Variants in REXO1 observed in about 807,000 individuals in gnomAD.
REXO1 encodes the protein REX1, RNA exonuclease 1 homolog.
Under a neutral mutation model 102.6 loss-of-function variants are expected in REXO1, and 42 were observed. The observed-to-expected ratio is 0.41, with a 90% CI of 0.32 to 0.53. The LOEUF is 0.53. Ranked by LOEUF, REXO1 falls within the 20% of genes least tolerant of loss-of-function variation. REXO1 has a pLI of 0.27. For synonymous variants in REXO1, 908 were observed against 779.1 expected (o/e 1.17, Z -2.76); for missense variants, 1,819 against 1,732.5 (o/e 1.05, Z -0.89).
chr19:1,818,643 C>T, intron 9 of REXO1, 48 bp from the exon 10 acceptor site: 1 of 1,607,944 alleles, frequency 6.2e-7, no homozygotes, highest in Non-Finnish European at 8.5e-7. Context: ...CTGGGGCCCG[C>T]ATGCCCGGCC....
chr19:1,847,392 G>A (rs977245112), intron 1 of REXO1, among the ~76,000 whole-genome samples: 1 of 152,202 alleles, frequency 6.6e-6, no homozygotes, highest in Non-Finnish European at 1.5e-5. Context: ...TGGGACGAAG[G>A]AAGTCAGGGG....
At position 1,818,751 on chromosome 19, in the gene REXO1, CG is replaced by C; in HGVS notation, c.2856del (p.Gly954AlafsTer92). ...NGYPFPHPER[P>X]GGAIIFTAEE... ...TCAGCTGTGAAGATGATTGCGCCCC[CG>C]GGCCGCTCTGGGTGCGGGAAGGGGT... On this transcript the variant is annotated frameshift_variant, in exon 9 of 16. Transcript: ENST00000170168. LOFTEE classifies it high-confidence loss of function. The C allele has an allele frequency of 6.2e-7, 1 of 1,610,760 alleles. No homozygotes were observed.
intron 5 of REXO1, among the ~76,000 whole-genome samples, chr19:1,820,766 G>A (rs555980786): frequency 7.0e-4 from 106 of 152,102 alleles, no homozygotes; most frequent in Non-Finnish European, 1.1e-3. Flanking sequence ...GCTGAGGCAG[G>A]AGGATCACTT....
rs748635031 is a variant in REXO1, at chr19:1,817,261, T to C, written c.3159A>G (p.Ser1053=). The C allele has an allele frequency of 6.2e-7, 1 of 1,613,174 alleles. No individual in the cohort carries two copies. Among genetic ancestry groups the C allele is most frequent in the South Asian group, 1.1e-5 (1 of 91,082 alleles). The change falls in exon 12 of 16, where the codon TCA becomes TCG. Residue 1053 remains serine (S), a synonymous_variant. Transcript: ENST00000170168. ...CGTAGATCCCCGGGTGGGTGTCTCC[T>C]GAGAGCTCTTTCTCAAAGGTCTTCA... is the stretch of plus-strand genomic sequence containing the variant. ...GFVKTFEKEL[S]GDTHPGIYAL...
Position 1,825,885 on chromosome 19 carries a change from G to A in REXO1, c.1970C>T (p.Pro657Leu), listed in dbSNP as rs553003856. The A allele has an allele frequency of 4.3e-6, 7 of 1,613,578 alleles. No individual in the cohort carries two copies. The highest frequency in any genetic ancestry group is 1.1e-5 in the South Asian group (1 of 91,062). ...KGLSGLTTLF[P>L]GQKRRISHLS... ...GTGGGAGATCCTCCTCTTCTGCCCG[G>A]GGAACAGAGTGGTCAGACCCGAAAG... Residue 657 changes from proline (P) to leucine (L), a missense_variant, in exon 3 of 16, where the codon CCC becomes CTC. By Grantham distance (98) the Pro-to-Leu change is moderately conservative. Transcript: ENST00000170168.
At chr19:1,841,604 C>G (rs1437119838) in intron 1 of REXO1, among the ~76,000 whole-genome samples, 1 of 152,224 alleles carries the variant, frequency 6.6e-6, no homozygotes, top group Non-Finnish European at 1.5e-5. Context: ...GAAAGCCAAG[C>G]AAGACGCCTT....
intron 1 of REXO1, among the ~76,000 whole-genome samples, chr19:1,838,115 T>C (rs1424618218): frequency 1.3e-5 from 2 of 150,358 alleles, no homozygotes; most frequent in Admixed American, 1.3e-4. Context: ...AGGTGAGGAG[T>C]TTGAGACCAG....
chr19:1,843,493 C>T (rs984731568), intron 1 of REXO1, among the ~76,000 whole-genome samples: 11 of 152,276 alleles, frequency 7.2e-5, no homozygotes, highest in Admixed American at 2.0e-4. Context: ...GCCCACCAGA[C>T]GACAATCTGG....
In REXO1 at chr19:1,827,803, G is replaced by A. The variant is rs1245257735; in HGVS notation, c.986C>T (p.Ala329Val). ...GQPPSKEGLE[A>V]EGGGLRETKE... is the part of the protein sequence containing the mutation. ...GGTCTCCCGCAGGCCGCCCCCCTCGGCCTCCAGGCCCTCTTTGGAGGGTGG... is the reference window on the plus strand; with the variant it reads ...GGTCTCCCGCAGGCCGCCCCCCTCGACCTCCAGGCCCTCTTTGGAGGGTGG... Residue 329 changes from alanine to valine, a missense_variant, in exon 2 of 16, where the codon GCC becomes GTC. Coordinates refer to ENST00000170168, the MANE Select transcript of REXO1 (RefSeq NM_020695.4). The A allele has an allele frequency of 6.2e-7, 1 of 1,600,616 alleles. No homozygotes were observed. The highest frequency in any genetic ancestry group is 8.5e-7 in the Non-Finnish European group (1 of 1,176,388).
At chr19:1,816,405 G>A (rs752786161) in intron 14 of REXO1, 26 bp downstream of exon 14, 123 of 1,605,720 alleles carry the variant, frequency 7.7e-5, no homozygotes, top group Non-Finnish European at 9.9e-5. Context: ...CTGGAGAACC[G>A]CGCGGGACCC....
chr19:1,819,155 G>T, intron 7 of REXO1, 24 bp from the exon 8 acceptor site: 1 of 1,535,764 alleles, frequency 6.5e-7, no homozygotes, highest in South Asian at 1.2e-5. Context: ...AGGGAGGGGA[G>T]GAGGGTGTGA....
intron 1 of REXO1, among the ~76,000 whole-genome samples, chr19:1,838,799 C>T (rs1210104516): frequency 6.6e-6 from 1 of 151,998 alleles, no homozygotes; most frequent in African/African-American, 2.4e-5. Context: ...GAGCCACTTT[C>T]ATGGTCCACA....
At chr19:1,833,264 G>C (rs975628557) in intron 1 of REXO1, among the ~76,000 whole-genome samples, 6 of 152,188 alleles carry the variant, frequency 3.9e-5, no homozygotes, top group Non-Finnish European at 8.8e-5. Context: ...ACAAGAGGAA[G>C]GATCCGTGTG....
chr19:1,816,920 C>G (rs1019408508), intron 12 of REXO1, 107 bp from the exon 13 acceptor site: 5 of 876,248 alleles, frequency 5.7e-6, no homozygotes, highest in Non-Finnish European at 9.1e-6. Flanking sequence ...AGGCAGTGAC[C>G]AGAGACTCTG....
Position 1,816,106 on chromosome 19 carries a change from A to G in REXO1, c.3626T>C (p.Val1209Ala). The G allele has an allele frequency of 3.9e-6, 6 of 1,549,206 alleles. No homozygotes were observed. Among genetic ancestry groups the G allele is most frequent in the Non-Finnish European group, 5.2e-6 (6 of 1,146,646 alleles). ...GGCGTCTTCTCGAACCTTCCAGATCACCAGGTGCATGCAGGCGCCGGCGTC... is the reference window on the plus strand; with the variant it reads ...GGCGTCTTCTCGAACCTTCCAGATCGCCAGGTGCATGCAGGCGCCGGCGTC... ...SEDAGACMHL[V>A]IWKVREDAKT... is the part of the protein sequence containing the mutation. The change falls in exon 16 of 16, where the codon GTG becomes GCG. Residue 1209 changes from valine to alanine, a missense_variant. Physicochemically the swap from Val to Ala is moderately conservative, Grantham distance 64. Transcript: ENST00000170168.
chr19:1,825,483 T>A (rs1029653819), intron 3 of REXO1, among the ~76,000 whole-genome samples: 3 of 149,060 alleles, frequency 2.0e-5, no homozygotes, highest in African/African-American at 7.4e-5. Flanking sequence ...TTTTTATAAT[T>A]TTTTTTTTTT....
chr19:1,822,216 G>A (rs1404191335), intron 4 of REXO1: 7 of 247,948 alleles, frequency 2.8e-5, no homozygotes, highest in South Asian at 2.8e-4. Context: ...CTGGGGGCTC[G>A]GCACCGACCC....
At chr19:1,847,669 C>T (rs1260627610) in intron 1 of REXO1, among the ~76,000 whole-genome samples, 1 of 152,254 alleles carries the variant, frequency 6.6e-6, no homozygotes, top group African/African-American at 2.4e-5. Flanking sequence ...TCCTCCCTGC[C>T]AGTCATGCTG....
At chr19:1,846,367 G>A (rs2011540751) in intron 1 of REXO1, among the ~76,000 whole-genome samples, 1 of 152,184 alleles carries the variant, frequency 6.6e-6, no homozygotes, top group Admixed American at 6.5e-5. Flanking sequence ...GGGGGAGGCA[G>A]TCTTCTACCA....
Sources: gnomAD v4.1 joint callset for allele counts (sites outside exome capture counted in the v4.1 genomes callset) on GRCh38, gnomAD v4.1.1 for gene constraint, MANE v1.5 for transcripts, NCBI Gene and HGNC (gene_info 2026-07-23, HGNC 2026-07-21) for gene names.